The following SND1 variants were observed in gnomAD, a reference collection of about 807,000 sequenced individuals.
SND1 encodes staphylococcal nuclease domain-containing protein 1.
A neutral mutation model predicts 121.7 loss-of-function variants in SND1; 38 were observed. The observed-to-expected ratio is 0.31, with a 90% confidence interval of 0.24 to 0.41. The LOEUF is 0.41. SND1 is among the 10% of genes least tolerant of loss of function. The pLI, the probability that SND1 is intolerant of heterozygous loss-of-function variation, is 1.00. For missense variants in SND1, 868 were observed against 1,184.6 expected (o/e 0.73, Z 3.92); for synonymous variants, 401 against 447.4 (o/e 0.90, Z 1.31).
intron 10 of SND1, among the ~76,000 whole-genome samples, chr7:127,760,517 T>G (rs554411566): frequency 1.3e-5 from 2 of 152,220 alleles, no homozygotes; most frequent in Non-Finnish European, 1.5e-5. Flanking sequence ...GGCAAAGTAT[T>G]TTGTTTGACT....
intron 14 of SND1, among the ~76,000 whole-genome samples, chr7:127,907,915 T>G (rs977975407): frequency 3.9e-5 from 6 of 152,210 alleles, no homozygotes; most frequent in African/African-American, 1.4e-4. Flanking sequence ...ATACAAGACC[T>G]GCTTGGCTGA....
Position 127,844,514 on chromosome 7 carries a change from C to G in SND1, c.1343+90C>G. 4.8e-6 allele frequency: 5 copies of G among 1,044,318 alleles called. No individual in the cohort carries two copies. The Admixed American group carries it at 1.1e-4, about 23-fold the overall frequency. 64.7% of individuals were successfully genotyped at this position (1,044,318 alleles called of 1,614,324 possible). On this transcript the variant is annotated intron_variant, in intron 12 of 23. Transcript: ENST00000354725. ...TGAATCTTTCCTTCCTTTCACTCTGCTTTGCTTTCTCCTGCTCTTAACTCA... is the reference window on the plus strand; with the variant it reads ...TGAATCTTTCCTTCCTTTCACTCTGGTTTGCTTTCTCCTGCTCTTAACTCA...
intron 12 of SND1, among the ~76,000 whole-genome samples, chr7:127,862,592 G>A (rs1233284100): frequency 6.6e-6 from 1 of 152,238 alleles, no homozygotes; most frequent in Non-Finnish European, 1.5e-5. Context: ...ATTTAATGCT[G>A]AGTTTTTAAT....
In SND1 at chr7:128,080,644, C is replaced by T. The variant is rs114293648; in HGVS notation, c.1969-716C>T. On this transcript the variant is annotated intron_variant, in intron 17 of 23. Coordinates refer to ENST00000354725, the MANE Select transcript of SND1 (RefSeq NM_014390.4). ...ATGGGGAGCTGGAGCAAGAGAGGTGCGGGTGTGAGGAGCCCAGAGCCAAAG... is the reference window on the plus strand; with the variant it reads ...ATGGGGAGCTGGAGCAAGAGAGGTGTGGGTGTGAGGAGCCCAGAGCCAAAG... 6.4e-4 allele frequency among the ~76,000 whole-genome samples: 98 copies of T among 152,196 alleles called. 1 individual carries two copies. The highest frequency in any genetic ancestry group is 2.2e-3 in the African/African-American group (90 of 41,522).
chr7:127,753,554 T>C (rs1035228013), intron 10 of SND1, among the ~76,000 whole-genome samples: 5 of 152,158 alleles, frequency 3.3e-5, no homozygotes, highest in African/African-American at 1.2e-4. Context: ...TATGGTTACA[T>C]AACGCAACTG....
At chr7:127,965,460 C>T (rs1801832214) in intron 15 of SND1, among the ~76,000 whole-genome samples, 1 of 27,958 alleles carries the variant, frequency 3.6e-5, no homozygotes, top group Non-Finnish European at 5.9e-5. Flanking sequence ...GAGTTTTTAG[C>T]ATGAAGGGTT....
intron 22 of SND1, among the ~76,000 whole-genome samples, chr7:128,090,697 T>C (rs1313354294): frequency 6.6e-6 from 1 of 152,100 alleles, no homozygotes; most frequent in African/African-American, 2.4e-5. Context: ...TCCTGGCCTT[T>C]CCTCTCTCCC....
chr7:127,674,074 C>T (rs1352189077), intron 1 of SND1, among the ~76,000 whole-genome samples: 1 of 151,264 alleles, frequency 6.6e-6, no homozygotes, highest in Non-Finnish European at 1.5e-5. Flanking sequence ...CTCTGTCTTC[C>T]TGTCTTCCTG....
intron 12 of SND1, among the ~76,000 whole-genome samples, chr7:127,867,364 C>T (rs1256117184): frequency 6.6e-6 from 1 of 152,148 alleles, no homozygotes; most frequent in Non-Finnish European, 1.5e-5. Flanking sequence ...TTGAATGCTC[C>T]TTAAATATTT....
chr7:127,949,195 T>C (rs1801403134), intron 15 of SND1: 1 of 152,270 alleles, frequency 6.6e-6, no homozygotes, highest in African/African-American at 2.4e-5. Flanking sequence ...AATGAAGCCC[T>C]GTTCGCTCTT....
At chr7:127,698,989 G>GGA in intron 4 of SND1, 36 bp downstream of exon 4, 1 of 1,562,432 alleles carries the variant, frequency 6.4e-7, no homozygotes, top group Non-Finnish European at 8.8e-7. Flanking sequence ...CTCTGACAGC[G>GGA]GTAAATTGGC....
intron 12 of SND1, among the ~76,000 whole-genome samples, chr7:127,864,613 T>C (rs372297679): frequency 1.3e-5 from 2 of 152,318 alleles, no homozygotes; most frequent in East Asian, 3.9e-4. Context: ...TTCTTTCTGG[T>C]GTCTTTCTCC....
rs573499308 is a variant in SND1, at chr7:128,015,983, G to A, written c.1779+24927G>A. ...ATTTGGGTCATCTGCAAACCAAAGC[G>A]ATCTCAGCAGCTGCTGGAATGCCAT... On this transcript the variant is annotated intron_variant, in intron 16 of 23. Transcript: ENST00000354725. The surrounding 1 kb of genome is among the most constrained non-coding windows in gnomAD (Gnocchi z 4.5). Among the ~76,000 whole-genome samples, 1 of 152,094 alleles carries A rather than the reference G, an allele frequency of 6.6e-6. No individual in the cohort carries two copies. The highest frequency in any genetic ancestry group is 2.4e-5 in the African/African-American group (1 of 41,410).
intron 16 of SND1, among the ~76,000 whole-genome samples, chr7:128,059,868 C>T (rs1357385283): frequency 2.0e-5 from 3 of 152,220 alleles, no homozygotes; most frequent in Non-Finnish European, 2.9e-5. Context: ...TTATGAAGCA[C>T]TCTGTAGAAT....
chr7:127,741,653 T>C (rs1796884378), intron 10 of SND1, among the ~76,000 whole-genome samples: 1 of 152,206 alleles, frequency 6.6e-6, no homozygotes, highest in African/African-American at 2.4e-5. Flanking sequence ...CCTTCCGTTG[T>C]GTACCTGTTA....
intron 15 of SND1, among the ~76,000 whole-genome samples, chr7:127,932,856 A>G (rs777368068): frequency 6.6e-6 from 1 of 152,232 alleles, no homozygotes; most frequent in Non-Finnish European, 1.5e-5. Flanking sequence ...ACACTTTTAT[A>G]TGCCCTGGGA....
intron 15 of SND1, among the ~76,000 whole-genome samples, chr7:127,936,194 A>G (rs181769365): frequency 6.6e-6 from 1 of 152,178 alleles, no homozygotes; most frequent in East Asian, 1.9e-4. Context: ...TTACAGCATC[A>G]GAACTGAGAC....
At chr7:128,036,704 G>A (rs1792757263) in intron 16 of SND1, among the ~76,000 whole-genome samples, 1 of 152,206 alleles carries the variant, frequency 6.6e-6, no homozygotes, top group South Asian at 2.1e-4. Context: ...TCAGGCTCGA[G>A]TGATGGGGAA....
intron 10 of SND1, among the ~76,000 whole-genome samples, chr7:127,791,233 C>T (rs947121254): frequency 1.3e-5 from 2 of 148,582 alleles, no homozygotes; most frequent in African/African-American, 5.0e-5. Context: ...ACTGGGCTTG[C>T]AACCTCCTGG....
Sources: allele counts gnomAD v4.1 joint callset (sites outside exome capture counted in the v4.1 genomes callset), GRCh38; gene constraint gnomAD v4.1.1; non-coding constraint Gnocchi (gnomAD v3.1); transcripts MANE v1.5; gene names NCBI Gene and HGNC (gene_info 2026-07-23, HGNC 2026-07-21).